KCNIP4: variants seen among roughly 807,000 people sequenced by gnomAD.
The protein encoded by KCNIP4 is potassium voltage-gated channel interacting protein 4.
KCNIP4 carries 12 observed loss-of-function variants against 34.0 expected under a neutral mutation model. That is an observed-to-expected ratio of 0.35 (90% CI 0.23 to 0.57). KCNIP4 has a LOEUF of 0.57. KCNIP4 is among the 20% of genes least tolerant of loss of function. KCNIP4 has a pLI of 0.83. For missense variants in KCNIP4, 238 were observed against 311.7 expected (o/e 0.76, Z 1.78); for synonymous variants, 124 against 102.2 (o/e 1.21, Z -1.29).
chr4:20,818,947 T>C (rs1349151947), intron 3 of KCNIP4, among the ~76,000 whole-genome samples: 1 of 135,026 alleles, frequency 7.4e-6, no homozygotes, highest in African/African-American at 2.9e-5. Flanking sequence ...TTTTTTGAGA[T>C]GGAGTTGACT....
intron 1 of KCNIP4, among the ~76,000 whole-genome samples, chr4:20,977,173 A>G (rs563054736): frequency 6.6e-6 from 1 of 152,080 alleles, no homozygotes; most frequent in Admixed American, 6.5e-5. Context: ...AATACCTCCT[A>G]TCCCAGCTAA....
chr4:20,853,643 T>C (rs149848701), intron 2 of KCNIP4, among the ~76,000 whole-genome samples: 3 of 151,606 alleles, frequency 2.0e-5, no homozygotes, highest in African/African-American at 4.8e-5. Context: ...CAAAGATAAA[T>C]AGCTGGGACC....
chr4:21,348,858 T>C (rs909768458), intron 1 of KCNIP4, among the ~76,000 whole-genome samples: 1 of 152,112 alleles, frequency 6.6e-6, no homozygotes, highest in African/African-American at 2.4e-5. Context: ...GAAAGAGAGT[T>C]AGCTGTGGGT....
chr4:21,042,035 T>C (rs10014546), intron 1 of KCNIP4, among the ~76,000 whole-genome samples: 66,414 of 152,108 alleles, frequency 0.44, 16,525 homozygotes, highest in African/African-American at 0.7. Flanking sequence ...GCCAGCACAA[T>C]GCTTCCATCA....
chr4:20,868,112 T>C (rs967447352), intron 2 of KCNIP4, among the ~76,000 whole-genome samples: 1 of 151,954 alleles, frequency 6.6e-6, no homozygotes, highest in East Asian at 1.9e-4. Context: ...AAAGGCCTAA[T>C]ACCAAGAATC....
chr4:21,789,657 A>G (rs1285006316), intron 1 of KCNIP4, among the ~76,000 whole-genome samples: 1 of 152,244 alleles, frequency 6.6e-6, no homozygotes, highest in Non-Finnish European at 1.5e-5. Flanking sequence ...CTCATCGTCA[A>G]GACATTCAAA....
intron 1 of KCNIP4, among the ~76,000 whole-genome samples, chr4:20,931,438 C>T (rs1357331543): frequency 1.3e-5 from 2 of 151,954 alleles, no homozygotes; most frequent in Non-Finnish European, 2.9e-5. Context: ...CTTACACAAG[C>T]CGAAATGGTA....
At chr4:21,864,922 C>A (rs1725322406) in intron 1 of KCNIP4, among the ~76,000 whole-genome samples, 2 of 152,170 alleles carry the variant, frequency 1.3e-5, no homozygotes, top group Admixed American at 1.3e-4. Flanking sequence ...AAGCAGCAAG[C>A]AACTCAGTTC....
At chr4:21,494,463 T>C (rs1228676571) in intron 1 of KCNIP4, among the ~76,000 whole-genome samples, 1 of 152,048 alleles carries the variant, frequency 6.6e-6, no homozygotes, top group African/African-American at 2.4e-5. Context: ...ACTAGAAATC[T>C]GAAAGTTTAT....
intron 3 of KCNIP4, among the ~76,000 whole-genome samples, chr4:20,777,927 G>A (rs1756513538): frequency 6.6e-6 from 1 of 152,148 alleles, no homozygotes; most frequent in African/African-American, 2.4e-5. Context: ...GAAAACCAGG[G>A]AGCTGAATGC....
At chr4:21,737,955 A>T (rs1374610505) in intron 1 of KCNIP4, among the ~76,000 whole-genome samples, 1 of 151,822 alleles carries the variant, frequency 6.6e-6, no homozygotes, top group Non-Finnish European at 1.5e-5. Flanking sequence ...TTAGTGGGGC[A>T]TGGTGGCACG....
intron 1 of KCNIP4, among the ~76,000 whole-genome samples, chr4:21,483,089 AG>A (rs1313804728): frequency 4.4e-5 from 2 of 44,954 alleles, no homozygotes; most frequent in African/African-American, 1.8e-4. Context: ...GGGGTGGGGG[AG>A]GGGGGAGGGA....
intron 1 of KCNIP4, among the ~76,000 whole-genome samples, chr4:21,110,565 A>T (rs1749074242): frequency 6.6e-6 from 1 of 152,156 alleles, no homozygotes; most frequent in Non-Finnish European, 1.5e-5. Flanking sequence ...TTTTGTTTAT[A>T]TTTCATTTGT....
At chr4:21,389,704 A>T (rs1356048656) in intron 1 of KCNIP4, among the ~76,000 whole-genome samples, 3 of 151,872 alleles carry the variant, frequency 2.0e-5, no homozygotes, top group Admixed American at 6.6e-5. Flanking sequence ...TTTATCATTG[A>T]TGGACATTTG....
chr4:21,555,270 TCCGTAA>T (rs1291632258), intron 1 of KCNIP4, among the ~76,000 whole-genome samples: 3 of 152,150 alleles, frequency 2.0e-5, no homozygotes, highest in Non-Finnish European at 1.5e-5. Flanking sequence ...GCTGCTTTCT[TCCGTAA>T]CTGTGATGTA....
intron 1 of KCNIP4, among the ~76,000 whole-genome samples, chr4:21,141,287 A>G (rs936865407): frequency 6.6e-6 from 1 of 152,166 alleles, no homozygotes; most frequent in Admixed American, 6.5e-5. Flanking sequence ...TCAATTGGTA[A>G]AATACATAAT....
At chr4:21,644,368 G>A (rs750085357) in intron 1 of KCNIP4, among the ~76,000 whole-genome samples, 59 of 152,152 alleles carry the variant, frequency 3.9e-4, no homozygotes, top group South Asian at 8.3e-4. Context: ...GGAATAAACC[G>A]AAAGAACTAG....
At chr4:21,470,962 G>A (rs1730418242) in intron 1 of KCNIP4, among the ~76,000 whole-genome samples, 2 of 152,098 alleles carry the variant, frequency 1.3e-5, no homozygotes, top group South Asian at 4.1e-4. Flanking sequence ...TCAAAATATG[G>A]CTCTTGGATC....
chr4:20,997,358 G>A (rs980175158), intron 1 of KCNIP4, among the ~76,000 whole-genome samples: 1 of 152,222 alleles, frequency 6.6e-6, no homozygotes, highest in African/African-American at 2.4e-5. Flanking sequence ...ACCCAGCAGA[G>A]CATGGTAGCG....
Sources: allele counts gnomAD v4.1 joint callset (sites outside exome capture counted in the v4.1 genomes callset), GRCh38; gene constraint gnomAD v4.1.1; transcripts MANE v1.5; gene names NCBI Gene and HGNC (gene_info 2026-07-23, HGNC 2026-07-21).